TSPAN7: variants seen among roughly 807,000 people sequenced by gnomAD.
TSPAN7 encodes tetraspanin 7.
In TSPAN7, 1 loss-of-function variant was observed where a neutral mutation model predicts 17.6. The observed-to-expected ratio is 0.06, with a 90% CI of 0.02 to 0.27. TSPAN7 has a LOEUF of 0.27. Among genes scored for constraint, TSPAN7 ranks in the 10% least tolerant of loss-of-function variants. TSPAN7 has a pLI of 1.00. For synonymous variants in TSPAN7, 78 were observed against 79.0 expected, an observed-to-expected ratio of 0.99 and a Z score of 0.07; for missense variants, 112 against 201.7, an observed-to-expected ratio of 0.56 and a Z score of 2.69.
chrX:38,686,560 G>T (rs768713325), intron 6 of TSPAN7, among the ~76,000 whole-genome samples: 1 of 111,867 alleles, frequency 8.9e-6, no homozygotes, highest in East Asian at 2.8e-4. Context: ...GATGCTCTTG[G>T]TCCTGGGGTC....
intron 4 of TSPAN7, among the ~76,000 whole-genome samples, chrX:38,675,353 T>C (rs2069846269): frequency 8.9e-6 from 1 of 112,331 alleles, no homozygotes; most frequent in Non-Finnish European, 1.9e-5. Context: ...AGGGGAGAGT[T>C]TTTTGAAACC....
intron 1 of TSPAN7, among the ~76,000 whole-genome samples, chrX:38,642,442 A>G (rs2069618157): frequency 8.9e-6 from 1 of 112,138 alleles, no homozygotes; most frequent in Non-Finnish European, 1.9e-5. Context: ...CCAAGAGTTT[A>G]AAATCTAGTT....
At chrX:38,601,771 T>G (rs2069348344) in intron 1 of TSPAN7, among the ~76,000 whole-genome samples, 1 of 111,849 alleles carries the variant, frequency 8.9e-6, no homozygotes, top group Admixed American at 9.5e-5. Context: ...GTTGGTAGTA[T>G]GGGCTTGACT....
chrX:38,567,099 T>TTG (rs761987234), intron 1 of TSPAN7, among the ~76,000 whole-genome samples: 2 of 111,943 alleles, frequency 1.8e-5, no homozygotes, highest in African/African-American at 6.5e-5. Context: ...ACAATTTTTT[T>TTG]TTTTGTCCAG....
chrX:38,583,949 C>CTTTTTTTT (rs34777484), intron 1 of TSPAN7, among the ~76,000 whole-genome samples: 33 of 66,958 alleles, frequency 4.9e-4, no homozygotes, highest in Non-Finnish European at 7.0e-4. Flanking sequence ...TTTTTCTTTT[C>CTTTTTTTT]TTTTTTTTTT....
chrX:38,561,555 G>A lies in TSPAN7; in HGVS notation c.9G>A (p.Ser3=), dbSNP rs758032272. The A allele has an allele frequency of 1.7e-6, 2 of 1,193,300 alleles. No individual in the cohort carries two copies. The highest frequency in any genetic ancestry group is 3.6e-5 in the African/African-American group (2 of 55,975). Reference sequence around the variant, plus strand: ...CGCCGGAGCTCTGTAGTATGGCATCGAGGAGAATGGAGACCAAACCTGTGA... The same window carrying A: ...CGCCGGAGCTCTGTAGTATGGCATCAAGGAGAATGGAGACCAAACCTGTGA... The part of the protein sequence containing the change: MA[S]RRMETKPVIT... The change falls in exon 1 of 8, where the codon TCG becomes TCA. Residue 3 remains serine, a synonymous_variant. Transcript: ENST00000378482.
At chrX:38,664,599 C>T (rs1405336733) in intron 1 of TSPAN7, among the ~76,000 whole-genome samples, 1 of 112,448 alleles carries the variant, frequency 8.9e-6, no homozygotes, top group Admixed American at 9.4e-5. Flanking sequence ...TCAACCTCCA[C>T]GGGGCCACTT....
At chrX:38,589,186 G>A (rs964074163) in intron 1 of TSPAN7, among the ~76,000 whole-genome samples, 3 of 112,102 alleles carry the variant, frequency 2.7e-5, no homozygotes, top group Non-Finnish European at 5.6e-5. Flanking sequence ...TTAAAGAGCA[G>A]TGCAAAACTT....
At chrX:38,579,267 G>A (rs1469939675) in intron 1 of TSPAN7, among the ~76,000 whole-genome samples, 1 of 110,892 alleles carries the variant, frequency 9.0e-6, no homozygotes, top group Non-Finnish European at 1.9e-5. Flanking sequence ...TTAACCCAGT[G>A]CATTTTATGG....
chrX:38,569,783 G>A (rs6608970), intron 1 of TSPAN7, among the ~76,000 whole-genome samples: 29,921 of 110,516 alleles, frequency 0.27, 5,239 homozygotes, highest in African/African-American at 0.65. Flanking sequence ...GAGATAGCCA[G>A]GGTAAATGGA....
In TSPAN7 at chrX:38,670,883, G is replaced by T. The variant is rs185543346; in HGVS notation, c.271-493G>T. 3.6e-5 allele frequency among the ~76,000 whole-genome samples: 4 copies of T among 112,355 alleles called. No homozygotes were observed. In the East Asian group the frequency reaches 8.4e-4, roughly 24 times the overall value. On this transcript the variant is annotated intron_variant, in intron 2 of 7. Coordinates refer to ENST00000378482, the MANE Select transcript of TSPAN7 (RefSeq NM_004615.4). ...AAGTAGGCAGACTTGTGGCCAAAGGGAAAGGAAGTCTTTCCAACAATTGGA... is the reference window on the plus strand; with the variant it reads ...AAGTAGGCAGACTTGTGGCCAAAGGTAAAGGAAGTCTTTCCAACAATTGGA...
chrX:38,569,917 G>T (rs968723608), intron 1 of TSPAN7, among the ~76,000 whole-genome samples: 1 of 111,507 alleles, frequency 9.0e-6, no homozygotes, highest in Admixed American at 9.5e-5. Context: ...AGCAATAGTC[G>T]GGCTATTCTA....
chrX:38,666,833 C>T lies in TSPAN7; in HGVS notation c.270+524C>T, dbSNP rs926977226. ...GCCAGGATGGTCTTGATCTCCTGAC[C>T]TCGTGATCCACCTGCCTCGGCCTCC... is the stretch of plus-strand genomic sequence containing the variant. On this transcript the variant is annotated intron_variant, in intron 2 of 7. Transcript: ENST00000378482. Among the ~76,000 whole-genome samples the T allele has an allele frequency of 3.6e-5, 4 of 110,990 alleles. No homozygotes were observed. The East Asian group carries it at 1.1e-3, about 31-fold the overall frequency.
chrX:38,626,738 C>A (rs141729807), intron 1 of TSPAN7, among the ~76,000 whole-genome samples: 1,173 of 111,612 alleles, frequency 0.011, 9 homozygotes, highest in African/African-American at 0.036. Flanking sequence ...TACCAGTTAT[C>A]CCTTGCCACA....
chrX:38,646,402 C>A, intron 1 of TSPAN7: 1 of 854,593 alleles, frequency 1.2e-6, no homozygotes, highest in Non-Finnish European at 1.6e-6. Flanking sequence ...TTTTTACTCT[C>A]CCTGAAGTGG....
intron 1 of TSPAN7, among the ~76,000 whole-genome samples, chrX:38,562,737 C>G (rs1182946700): frequency 9.0e-6 from 1 of 111,413 alleles, no homozygotes; most frequent in Non-Finnish European, 1.9e-5. Flanking sequence ...TCGGTGACCC[C>G]GTCTTCCCTA....
intron 6 of TSPAN7, among the ~76,000 whole-genome samples, chrX:38,682,730 A>G (rs1373706039): frequency 8.9e-6 from 1 of 112,313 alleles, no homozygotes; most frequent in East Asian, 2.8e-4. Context: ...GGGGTCACAA[A>G]CAATGCAAAT....
Position 38,636,737 on chromosome X carries a change from G to A in TSPAN7, c.82-29384G>A, listed in dbSNP as rs187588099. On this transcript the variant is annotated intron_variant, in intron 1 of 7. Transcript: ENST00000378482. Reference sequence around the variant, plus strand: ...GTCACCCAGGCTGGAGTGCAATCGCGCGATCTTGGCTCACTGCAACCTCCG... The same window carrying A: ...GTCACCCAGGCTGGAGTGCAATCGCACGATCTTGGCTCACTGCAACCTCCG... 3.5e-4 allele frequency among the ~76,000 whole-genome samples: 38 copies of A among 109,817 alleles called. No homozygotes were observed. In the East Asian group the frequency reaches 8.0e-3, roughly 23 times the overall value.
intron 1 of TSPAN7, among the ~76,000 whole-genome samples, chrX:38,607,865 A>G (rs1212160606): frequency 9.2e-6 from 1 of 108,610 alleles, no homozygotes; most frequent in Non-Finnish European, 1.9e-5. Context: ...CCTTGAGGAA[A>G]AAAAAAAAAA....
Sources: allele counts gnomAD v4.1 joint callset (sites outside exome capture counted in the v4.1 genomes callset), GRCh38; gene constraint gnomAD v4.1.1; transcripts MANE v1.5; gene names NCBI Gene and HGNC (gene_info 2026-07-23, HGNC 2026-07-21).